ADAM7: variants seen among roughly 807,000 people sequenced by gnomAD.
The protein encoded by ADAM7 is ADAM metallopeptidase domain 7, also known as disintegrin and metalloproteinase domain-containing protein 7.
In ADAM7, 97 loss-of-function variants were observed where a neutral mutation model predicts 102.9. The ratio of observed to expected loss-of-function variants is 0.94; its 90% CI spans 0.80 to 1.12. The LOEUF (loss-of-function observed/expected upper bound fraction) is 1.12, where lower values mean the gene tolerates loss of function less well. ADAM7 is among the 50% of genes most tolerant of loss of function. The probability of loss-of-function intolerance (pLI) is 0.00; values close to 1 mark genes in which losing one functional copy is unlikely to be tolerated. For missense variants in ADAM7, 991 were observed against 908.7 expected (o/e 1.09, Z -1.16); for synonymous variants, 334 against 304.4 (o/e 1.10, Z -1.01).
chr8:24,501,521 G>A lies in ADAM7; in HGVS notation c.2153G>A (p.Gly718Asp), dbSNP rs946930666. Residue 718 changes from glycine (G) to aspartate (D), a missense_variant, in exon 20 of 22, where the codon GGT becomes GAT. Physicochemically the swap from Gly to Asp is moderately conservative, Grantham distance 94. Coordinates refer to ENST00000175238, the MANE Select transcript of ADAM7 (RefSeq NM_003817.4). ...TLGVENKGYFGDEQQIRTEPI... is the reference protein window; with the variant it reads ...TLGVENKGYFDDEQQIRTEPI... ...GGAGTGGAGAACAAAGGATACTTTGGTGATGAGCAGCAGATAAGGACTGAG... is the reference window on the plus strand; with the variant it reads ...GGAGTGGAGAACAAAGGATACTTTGATGATGAGCAGCAGATAAGGACTGAG... 1.6e-5 allele frequency: 26 copies of A among 1,608,702 alleles called. No individual in the cohort carries two copies. Among genetic ancestry groups the A allele is most frequent in the African/African-American group, 5.4e-5 (4 of 74,524 alleles).
chr8:24,499,877 A>C (rs958644762), intron 17 of ADAM7, among the ~76,000 whole-genome samples: 5 of 151,690 alleles, frequency 3.3e-5, no homozygotes, highest in Non-Finnish European at 7.4e-5. Flanking sequence ...TACCATATTT[A>C]TCATATATAT....
chr8:24,485,410 T>C (rs778266701), intron 10 of ADAM7, 49 bp downstream of exon 10: 3 of 1,548,716 alleles, frequency 1.9e-6, no homozygotes, highest in Non-Finnish European at 2.7e-6. Flanking sequence ...AATAAAATTG[T>C]TGTAATGTCC....
chr8:24,484,795 G>A (rs1232817424), intron 9 of ADAM7, among the ~76,000 whole-genome samples: 1 of 133,058 alleles, frequency 7.5e-6, no homozygotes, highest in Non-Finnish European at 1.6e-5. Flanking sequence ...GTGTAAGATT[G>A]CACTGGCTTT....
At chr8:24,482,332 C>A in intron 9 of ADAM7, 21 bp downstream of exon 9, 2 of 1,589,826 alleles carry the variant, frequency 1.3e-6, no homozygotes, top group Non-Finnish European at 1.7e-6. Context: ...GCTCTATTTT[C>A]TTGCATACCT....
At chr8:24,442,123 G>A (rs1818394179) in intron 1 of ADAM7, among the ~76,000 whole-genome samples, 1 of 151,958 alleles carries the variant, frequency 6.6e-6, no homozygotes, top group African/African-American at 2.4e-5. Flanking sequence ...GCAGTGAGCC[G>A]AGATCACGCC....
At chr8:24,443,915 C>T (rs568371361) in intron 2 of ADAM7, among the ~76,000 whole-genome samples, 1 of 150,700 alleles carries the variant, frequency 6.6e-6, no homozygotes, top group African/African-American at 2.5e-5. Flanking sequence ...GCCTGGGCAA[C>T]AGAGCAAGAC....
At chr8:24,476,347 G>A in intron 7 of ADAM7, 86 bp from the exon 8 acceptor site, 1 of 1,000,730 alleles carries the variant, frequency 1.0e-6, no homozygotes, top group South Asian at 1.9e-5. Flanking sequence ...TTTTTTCTTT[G>A]TAATAGCTGA....
intron 3 of ADAM7, among the ~76,000 whole-genome samples, chr8:24,453,095 A>C (rs1818863366): frequency 6.6e-6 from 1 of 151,190 alleles, no homozygotes; most frequent in Non-Finnish European, 1.5e-5. Context: ...TTTTTCCTTC[A>C]TTTCAACTTT....
intron 3 of ADAM7, among the ~76,000 whole-genome samples, chr8:24,447,713 G>A (rs1818615139): frequency 1.3e-5 from 2 of 152,232 alleles, no homozygotes; most frequent in Non-Finnish European, 1.5e-5. Flanking sequence ...TAGTGTAATT[G>A]CAATGTCTAT....
At position 24,500,267 on chromosome 8, in the gene ADAM7, TAA is replaced by T. The variant is rs1820711195; in HGVS notation, c.2002+14_2002+15del. ...CCTTACATGTTACCAGTGAGCATCC[TAA>T]AACAAAATCTTTCATATATCAAAAG... is the stretch of plus-strand genomic sequence containing the variant. On this transcript the variant is annotated intron_variant, in intron 18 of 21. Transcript: ENST00000175238. 6.3e-7 allele frequency: 1 copy of T among 1,597,090 alleles called. No homozygotes were observed. Among genetic ancestry groups the T allele is most frequent in the African/African-American group, 1.3e-5 (1 of 74,610 alleles).
At chr8:24,484,731 T>C (rs1361818885) in intron 9 of ADAM7, among the ~76,000 whole-genome samples, 1 of 152,050 alleles carries the variant, frequency 6.6e-6, no homozygotes, top group African/African-American at 2.4e-5. Context: ...ATTTCAATTG[T>C]ATTTTTTGAT....
intron 7 of ADAM7, 58 bp from the exon 8 acceptor site, chr8:24,476,375 T>C (rs1455252808): frequency 3.8e-6 from 5 of 1,311,776 alleles, no homozygotes; most frequent in Non-Finnish European, 5.3e-6. Context: ...AGTATTTTGT[T>C]GAGCTTTTAT....
chr8:24,467,140 T>C, intron 6 of ADAM7, 152 bp downstream of exon 6: 1 of 711,700 alleles, frequency 1.4e-6, no homozygotes, highest in Non-Finnish European at 2.3e-6. Context: ...AAATTTTTTC[T>C]TGTCTATGTA....
At chr8:24,496,777 TA>T (rs1484877413) in intron 16 of ADAM7, among the ~76,000 whole-genome samples, 3 of 152,234 alleles carry the variant, frequency 2.0e-5, no homozygotes, top group Non-Finnish European at 4.4e-5. Flanking sequence ...GTCCAGAAAG[TA>T]AGTAACTTGC....
At chr8:24,459,892 A>G (rs772097241) in intron 3 of ADAM7, among the ~76,000 whole-genome samples, 1 of 152,100 alleles carries the variant, frequency 6.6e-6, no homozygotes, top group Non-Finnish European at 1.5e-5. Context: ...GAAATATTTA[A>G]TATTTTCTAA....
At chr8:24,470,549 C>G (rs1406857639) in intron 7 of ADAM7, among the ~76,000 whole-genome samples, 1 of 151,512 alleles carries the variant, frequency 6.6e-6, no homozygotes, top group African/African-American at 2.4e-5. Context: ...CAGTCATGCA[C>G]CACATAACAA....
Position 24,475,322 on chromosome 8 carries a change from T to A in ADAM7, c.634-1111T>A, listed in dbSNP as rs558532510. ...ATTTTGGGTAATTTTTATCAATCAA[T>A]CAATGGAAATCCTGTTGTGAAACAC... On this transcript the variant is annotated intron_variant, in intron 7 of 21. Transcript: ENST00000175238. Among the ~76,000 whole-genome samples the A allele has an allele frequency of 3.3e-4, 50 of 152,264 alleles. 2 individuals are homozygous for A. The South Asian group carries it at 0.01, about 31-fold the overall frequency.
Position 24,451,159 on chromosome 8 carries a change from C to T in ADAM7, c.233+3897C>T, listed in dbSNP as rs555570797. ...GGCTTTGGTATCAGAATGATGCTGG[C>T]CTCATAAAATGAGTTAGGGAGGATT... On this transcript the variant is annotated intron_variant, in intron 3 of 21. Transcript: ENST00000175238. 3.3e-5 allele frequency among the ~76,000 whole-genome samples: 5 copies of T among 151,794 alleles called. No homozygotes were observed. The South Asian group carries it at 1.0e-3, about 32-fold the overall frequency.
In ADAM7 at chr8:24,481,964, G is replaced by C. The variant is rs766725386; in HGVS notation, c.706-178G>C. ...CCCAGAAAATTCACCAGGTATTCTG[G>C]GCAATGCATTCTGTCCCATTTTGAT... On this transcript the variant is annotated intron_variant, in intron 8 of 21. Transcript: ENST00000175238. Among the ~76,000 whole-genome samples, 120 of 152,112 alleles carry C rather than the reference G, an allele frequency of 7.9e-4. 1 individual carries two copies. Among genetic ancestry groups the C allele is most frequent in the Non-Finnish European group, 1.5e-3 (99 of 67,994 alleles).
Sources: gnomAD v4.1 joint callset for allele counts (sites outside exome capture counted in the v4.1 genomes callset) on GRCh38, gnomAD v4.1.1 for gene constraint, MANE v1.5 for transcripts, NCBI Gene and HGNC (gene_info 2026-07-23, HGNC 2026-07-21) for gene names.